PTER: variants seen among roughly 807,000 people sequenced by gnomAD.
PTER encodes phosphotriesterase related, also known as N-acetyltaurine hydrolase.
A neutral mutation model predicts 29.6 loss-of-function variants in PTER; 38 were observed. That is an observed-to-expected ratio of 1.28 (90% CI 0.99 to 1.68). PTER has a LOEUF of 1.68. Among genes scored for constraint, PTER ranks in the 40% most tolerant of loss-of-function variants. The pLI is 0.00. For missense variants in PTER, 482 were observed against 427.8 expected, an observed-to-expected ratio of 1.13 and a Z score of -1.12; for synonymous variants, 172 against 154.5, an observed-to-expected ratio of 1.11 and a Z score of -0.84.
chr10:16,465,890 C>T (rs1262494116), intron 1 of PTER, among the ~76,000 whole-genome samples: 1 of 152,078 alleles, frequency 6.6e-6, no homozygotes, highest in Non-Finnish European at 1.5e-5. Flanking sequence ...GCAGGGAAAA[C>T]TGCCTCATAA....
intron 3 of PTER, among the ~76,000 whole-genome samples, chr10:16,492,958 G>A (rs1835954511): frequency 6.6e-6 from 1 of 152,180 alleles, no homozygotes; most frequent in South Asian, 2.1e-4. Context: ...CTCTTGGAAA[G>A]CTATAATTTT....
chr10:16,445,068 A>G (rs528748966), intron 1 of PTER, among the ~76,000 whole-genome samples: 3 of 152,350 alleles, frequency 2.0e-5, no homozygotes, highest in Admixed American at 6.5e-5. Context: ...ATTTTTGAGA[A>G]TGTCCATATT....
At position 16,486,535 on chromosome 10, in the gene PTER, T is replaced by C. The variant is rs1835703715; in HGVS notation, c.616T>C (p.Ser206Pro). ...TGTTATTATCCATCCTGGACGGAGC[T>C]CCAGGGCACCATTTCAGATTATCCG... is the stretch of plus-strand genomic sequence containing the variant. Reference protein sequence around the residue: ...CPVIIHPGRSSRAPFQIIRIL... With the variant: ...CPVIIHPGRSPRAPFQIIRIL... The change falls in exon 3 of 5, where the codon TCC becomes CCC. Residue 206 changes from serine (S) to proline (P), a missense_variant. Ser to Pro is a moderately conservative substitution (Grantham distance 74, BLOSUM62 -1). Coordinates refer to ENST00000535784, the MANE Select transcript of PTER (RefSeq NM_001261836.2). 2.5e-6 allele frequency: 4 copies of C among 1,613,990 alleles called. No individual in the cohort carries two copies. The East Asian group carries it at 8.9e-5, about 36-fold the overall frequency.
intron 1 of PTER, among the ~76,000 whole-genome samples, chr10:16,449,428 CTTTTTT>C (rs35475659): frequency 9.8e-6 from 1 of 101,864 alleles, no homozygotes; most frequent in African/African-American, 4.0e-5. Flanking sequence ...CAATAATTTT[CTTTTTT>C]TTTTTTTTTT....
At chr10:16,456,862 T>TGG (rs10682284) in intron 1 of PTER, among the ~76,000 whole-genome samples, 12,326 of 113,224 alleles carry the variant, frequency 0.11, 1,251 homozygotes, top group East Asian at 0.25. Flanking sequence ...ATGGGGAAGG[T>TGG]GGGGGGGGGT....
At chr10:16,484,841 G>GT in intron 2 of PTER, 25 bp downstream of exon 2, 1 of 1,554,262 alleles carries the variant, frequency 6.4e-7, no homozygotes, top group Non-Finnish European at 8.7e-7. Context: ...TTCTTTGACA[G>GT]TATTTGTTCA....
chr10:16,505,134 GC>G lies in PTER; in HGVS notation c.815del (p.Pro272LeufsTer24). 6.2e-7 allele frequency: 1 copy of G among 1,613,956 alleles called. No homozygotes were observed. The highest frequency in any genetic ancestry group is 8.5e-7 in the Non-Finnish European group (1 of 1,179,928). On this transcript the variant is annotated frameshift_variant, in exon 4 of 5. Transcript: ENST00000535784. LOFTEE classifies it high-confidence loss of function. ...ACCAACTCGGCCCAGATATTGACATGCCTGATGATAACAAAAGAATTAGAAG... is the reference window on the plus strand; with the variant it reads ...ACCAACTCGGCCCAGATATTGACATGCTGATGATAACAAAAGAATTAGAAG... ...HYQLGPDIDMPDDNKRIRRVR... is the reference protein window; with the variant it reads ...HYQLGPDIDMXDDNKRIRRVR...
chr10:16,490,991 A>G (rs1016648215), intron 3 of PTER, among the ~76,000 whole-genome samples: 2 of 152,056 alleles, frequency 1.3e-5, no homozygotes, highest in African/African-American at 4.8e-5. Flanking sequence ...ATATTTATGT[A>G]TATACACACA....
chr10:16,462,654 T>G (rs1169122875), intron 1 of PTER, among the ~76,000 whole-genome samples: 1 of 150,336 alleles, frequency 6.7e-6, no homozygotes, highest in Non-Finnish European at 1.5e-5. Flanking sequence ...CTCTGTAGAC[T>G]CCGGCTCCCA....
chr10:16,479,886 A>G (rs1835413617), intron 1 of PTER, among the ~76,000 whole-genome samples: 1 of 151,660 alleles, frequency 6.6e-6, no homozygotes, highest in African/African-American at 2.4e-5. Flanking sequence ...TGTCTGCAAA[A>G]AACCCTGAGA....
At chr10:16,477,304 A>ATAGATAGATGTC (rs150732442) in intron 1 of PTER, among the ~76,000 whole-genome samples, 5 of 151,472 alleles carry the variant, frequency 3.3e-5, no homozygotes, top group African/African-American at 7.3e-5. Flanking sequence ...AGATAGATGG[A>ATAGATAGATGTC]TGTCTGTCTG....
intron 1 of PTER, among the ~76,000 whole-genome samples, chr10:16,454,421 A>G (rs144266401): frequency 0.019 from 2,901 of 152,126 alleles, 94 homozygotes; most frequent in East Asian, 0.09. Context: ...CTAAAAATAC[A>G]AAAAATTAGC....
intron 1 of PTER, among the ~76,000 whole-genome samples, chr10:16,473,488 C>A (rs1444083548): frequency 7.2e-6 from 1 of 138,112 alleles, no homozygotes; most frequent in African/African-American, 2.7e-5. Context: ...CCACTGCACT[C>A]CAGCCTGGGT....
intron 1 of PTER, among the ~76,000 whole-genome samples, chr10:16,438,233 T>G (rs1288602508): frequency 6.6e-6 from 1 of 152,046 alleles, no homozygotes; most frequent in Non-Finnish European, 1.5e-5. Context: ...CTCGAACTCC[T>G]GACCTTGTGA....
At chr10:16,445,114 G>T (rs1343805930) in intron 1 of PTER, among the ~76,000 whole-genome samples, 2 of 152,154 alleles carry the variant, frequency 1.3e-5, no homozygotes, top group African/African-American at 4.8e-5. Context: ...TTAAAAAGGA[G>T]AATAAATGAG....
intron 1 of PTER, among the ~76,000 whole-genome samples, chr10:16,439,946 C>T (rs1318428109): frequency 1.3e-5 from 2 of 152,118 alleles, no homozygotes; most frequent in African/African-American, 4.8e-5. Flanking sequence ...TGCTCAGTAT[C>T]CCTATGAACT....
At chr10:16,498,619 A>G (rs948243813) in intron 3 of PTER, among the ~76,000 whole-genome samples, 7 of 152,166 alleles carry the variant, frequency 4.6e-5, no homozygotes, top group Non-Finnish European at 7.4e-5. Context: ...AGAAGTATTC[A>G]TGGATATAGA....
chr10:16,464,452 GA>G (rs1834734732), intron 1 of PTER, among the ~76,000 whole-genome samples: 1 of 152,166 alleles, frequency 6.6e-6, no homozygotes, highest in Non-Finnish European at 1.5e-5. Flanking sequence ...GAGCAGGGGG[GA>G]AAACAGTATT....
At chr10:16,500,900 C>T (rs1452819439) in intron 3 of PTER, among the ~76,000 whole-genome samples, 1 of 151,860 alleles carries the variant, frequency 6.6e-6, no homozygotes, top group Non-Finnish European at 1.5e-5. Context: ...GCCACCATGC[C>T]TGCCATCTCC....
Sources: gnomAD v4.1 joint callset for allele counts (sites outside exome capture counted in the v4.1 genomes callset) on GRCh38, gnomAD v4.1.1 for gene constraint, MANE v1.5 for transcripts, NCBI Gene and HGNC (gene_info 2026-07-23, HGNC 2026-07-21) for gene names.